The following TRPV3 variants were observed in gnomAD, a reference collection of about 807,000 sequenced individuals.
TRPV3 encodes transient receptor potential cation channel subfamily V member 3.
A neutral mutation model predicts 87.1 loss-of-function variants in TRPV3; 88 were observed. The ratio of observed to expected loss-of-function variants is 1.01; its 90% CI spans 0.85 to 1.21. The LOEUF (loss-of-function observed/expected upper bound fraction) is 1.21. Ranked by LOEUF, TRPV3 falls within the 50% of genes most tolerant of loss-of-function variation. The pLI is 0.00. For synonymous variants in TRPV3, 438 were observed against 423.3 expected (o/e 1.03, Z -0.43); for missense variants, 1,054 against 1,030.1 (o/e 1.02, Z -0.32).
intron 7 of TRPV3, among the ~76,000 whole-genome samples, chr17:3,534,886 A>T (rs1467743006): frequency 6.6e-6 from 1 of 151,926 alleles, no homozygotes; most frequent in Non-Finnish European, 1.5e-5. Context: ...CTGCCTCCTC[A>T]GCCTCCCTCC....
Position 3,532,680 on chromosome 17 carries a change from C to A in TRPV3, c.1042G>T (p.Ala348Ser). 6.2e-7 allele frequency: 1 copy of A among 1,614,200 alleles called. No individual in the cohort carries two copies. The highest frequency in any genetic ancestry group is 2.2e-5 in the East Asian group (1 of 44,878). Residue 348 changes from alanine (A) to serine (S), a missense_variant, in exon 8 of 18, where the codon GCC (alanine) becomes TCC (serine). Ala to Ser is a moderately conservative substitution (Grantham distance 99, BLOSUM62 1). Coordinates refer to ENST00000576742, the MANE Select transcript of TRPV3 (RefSeq NM_145068.4). ...NNDGLTPLQL[A>S]AKMGKAEILK... ...ACCTCCGCCTTGCCCATCTTGGCGG[C>A]CAGCTGCAGCGGCGTGAGGCCATCG...
chr17:3,526,857 A>G lies in TRPV3; in HGVS notation c.1574T>C (p.Val525Ala). ...SILSDAWFHF[V>A]FFIQAVLVIL... The stretch of plus-strand genomic sequence containing the variant: ...CCAAGGGGCCAGACCTACTTACAAG[A>G]CAAAGTGGAACCAGGCATCCGAGAG... Residue 525 changes from valine to alanine, a missense_variant, in exon 12 of 18, where the codon GTC (valine) becomes GCC (alanine). By Grantham distance (64) the Val-to-Ala change is moderately conservative. Transcript: ENST00000576742. The G allele has an allele frequency of 2.5e-6, 4 of 1,610,466 alleles. No homozygotes were observed. The South Asian group carries it at 3.3e-5, about 13-fold the overall frequency.
rs1296341450 is a variant in TRPV3 at position 3,530,216 on chromosome 17, G to A, written c.1066-13C>T. 1.2e-6 allele frequency: 2 copies of A among 1,606,084 alleles called. No homozygotes were observed. The highest frequency in any genetic ancestry group is 1.7e-6 in the Non-Finnish European group (2 of 1,175,278). ...TGTACTTCAGGATCTGGGACAGGAGGAGGAACAACCATCAGCTGCAGAACA... is the reference window on the plus strand; with the variant it reads ...TGTACTTCAGGATCTGGGACAGGAGAAGGAACAACCATCAGCTGCAGAACA... On this transcript the variant is annotated splice_polypyrimidine_tract_variant and intron_variant, in intron 8 of 17. Transcript: ENST00000576742. The surrounding 1 kb of genome is among the most constrained non-coding windows in gnomAD (Gnocchi z 4.0).
At chr17:3,541,603 T>TA (rs1334381736) in intron 6 of TRPV3, among the ~76,000 whole-genome samples, 1 of 152,178 alleles carries the variant, frequency 6.6e-6, no homozygotes, top group East Asian at 1.9e-4. Context: ...CTGGCCCACT[T>TA]ACAAAGAAAT....
chr17:3,548,407 G>T (rs920009245), intron 2 of TRPV3, among the ~76,000 whole-genome samples: 1 of 152,216 alleles, frequency 6.6e-6, no homozygotes, highest in Non-Finnish European at 1.5e-5. Flanking sequence ...AGTCCACACT[G>T]CAATCCATGC....
At chr17:3,535,508 C>G in intron 7 of TRPV3, 65 bp downstream of exon 7, 1 of 1,437,202 alleles carries the variant, frequency 7.0e-7, no homozygotes, top group Non-Finnish European at 9.2e-7. Flanking sequence ...CCCCTTCCCT[C>G]CCTTCCTCTC....
At chr17:3,519,973 ATT>A in intron 14 of TRPV3, among the ~76,000 whole-genome samples, 1 of 43,936 alleles carries the variant, frequency 2.3e-5, no homozygotes, top group Middle Eastern at 0.017. Context: ...TGGATGAATG[ATT>A]GGATGGATGG....
intron 16 of TRPV3, 88 bp downstream of exon 16, chr17:3,516,369 G>C (rs911618938): frequency 9.8e-6 from 10 of 1,024,692 alleles, no homozygotes; most frequent in African/African-American, 7.9e-5. Flanking sequence ...GCAAGTGGCG[G>C]CACTGTTTCT....
chr17:3,524,052 G>T, intron 13 of TRPV3, 146 bp downstream of exon 13: 1 of 1,117,962 alleles, frequency 8.9e-7, no homozygotes, highest in Non-Finnish European at 1.3e-6. Flanking sequence ...AAGCCTGGCC[G>T]AAAGCAAAGG....
rs374808142 is a variant in TRPV3 at position 3,512,638 on chromosome 17, G to T, written c.*1279C>A. On this transcript the variant is annotated 3_prime_UTR_variant, in exon 18 of 18. Transcript: ENST00000576742. ...GCAGAGTGGATTTTCTGGTGGTTTC[G>T]GCCCCAGTCACCTGGAAAATCCTTC... The T allele has an allele frequency of 3.3e-5, 5 of 151,456 alleles. No homozygotes were observed. The highest frequency in any genetic ancestry group is 5.9e-5 in the Non-Finnish European group (4 of 67,894). The allele number at this position is 151,456 out of a possible 1,614,324, so 9.4% of individuals were successfully genotyped here.
chr17:3,554,973 C>T, intron 1 of TRPV3, 121 bp from the exon 2 acceptor site: 1 of 614,208 alleles, frequency 1.6e-6, no homozygotes, highest in Non-Finnish European at 2.9e-6. Flanking sequence ...TGGAAGCTCA[C>T]TCCTCCCTTC....
chr17:3,514,169 C>A (rs2074150769), intron 17 of TRPV3, 158 bp from the exon 18 acceptor site: 1 of 592,876 alleles, frequency 1.7e-6, no homozygotes, highest in African/African-American at 1.9e-5. Flanking sequence ...ACCTCCACCT[C>A]CCAGGTTCAA....
chr17:3,549,155 C>T (rs756151383), intron 2 of TRPV3, among the ~76,000 whole-genome samples: 3 of 152,220 alleles, frequency 2.0e-5, no homozygotes, highest in African/African-American at 4.8e-5. Context: ...AAGCCCTATA[C>T]CCACAGCTTT....
In TRPV3 at chr17:3,556,786, C is replaced by T. The variant is rs957321958; in HGVS notation, c.-3+890G>A. On this transcript the variant is annotated intron_variant, in intron 1 of 17. Coordinates refer to ENST00000576742, the MANE Select transcript of TRPV3 (RefSeq NM_145068.4). This position sits in a 1 kb window ranked among gnomAD's most constrained non-coding sequence, Gnocchi z 4.2. ...GGGACTCCTGGGCACCCGGCCCTCC[C>T]GTGTCCAGTCACGGCCTGATGAGGA... 1.1e-4 allele frequency among the ~76,000 whole-genome samples: 17 copies of T among 152,184 alleles called. No individual in the cohort carries two copies. Among genetic ancestry groups the T allele is most frequent in the African/African-American group, 1.4e-4 (6 of 41,456 alleles).
At position 3,518,494 on chromosome 17, in the gene TRPV3, CTGGTG is replaced by C; in HGVS notation, c.2085+77_2085+81del. 6.9e-7 allele frequency: 1 copy of C among 1,453,102 alleles called. No individual in the cohort carries two copies. The highest frequency in any genetic ancestry group is 9.2e-7 in the Non-Finnish European group (1 of 1,089,648). 90.0% of individuals were successfully genotyped at this position (1,453,102 alleles called of 1,614,324 possible). A position where few individuals can be genotyped will look rare whatever the true frequency, so the allele number is the denominator to read the frequency against. ...ATTCTCAGGCCCCACCTCAGACCCA[CTGGTG>C]CTGACAGTAGTCAATGACCACGTGC... On this transcript the variant is annotated intron_variant, in intron 15 of 17. Coordinates refer to ENST00000576742, the MANE Select transcript of TRPV3 (RefSeq NM_145068.4). This position sits in a 1 kb window ranked among gnomAD's most constrained non-coding sequence, Gnocchi z 4.3.
intron 8 of TRPV3, among the ~76,000 whole-genome samples, chr17:3,531,299 G>C (rs144017361): frequency 4.3e-4 from 66 of 152,276 alleles, no homozygotes; most frequent in Non-Finnish European, 7.6e-4. Flanking sequence ...GACCCAAGAG[G>C]AAGGGACTGT....
chr17:3,552,496 T>G (rs2074586830), intron 2 of TRPV3: 1 of 152,234 alleles, frequency 6.6e-6, no homozygotes, highest in African/African-American at 2.4e-5. Flanking sequence ...GCCCGGCCTT[T>G]TAATTTATTC....
intron 6 of TRPV3, among the ~76,000 whole-genome samples, chr17:3,539,113 A>C (rs542070526): frequency 6.6e-6 from 1 of 152,312 alleles, no homozygotes; most frequent in African/African-American, 2.4e-5. Flanking sequence ...CTAGACTTTC[A>C]TATTTTGGCA....
In TRPV3 at chr17:3,542,616, G is replaced by A. The variant is rs1196362412; in HGVS notation, c.549C>T (p.Thr183=). ...MKALLNINPN[T]KEIVRILLAF... ...CAAGCAGGATCCGCACTATCTCCTT[G>A]GTGTTGGGGTTGATGTTTAACAAGG... Residue 183 remains threonine, a synonymous_variant, in exon 6 of 18, where the codon ACC becomes ACT. Coordinates refer to ENST00000576742, the MANE Select transcript of TRPV3 (RefSeq NM_145068.4). 2 of 1,614,026 alleles carry A rather than the reference G, an allele frequency of 1.2e-6. No homozygotes were observed. Among genetic ancestry groups the A allele is most frequent in the Admixed American group, 3.3e-5 (2 of 60,004 alleles).
Sources: gnomAD v4.1 joint callset for allele counts (sites outside exome capture counted in the v4.1 genomes callset) on GRCh38, gnomAD v4.1.1 for gene constraint, Gnocchi (gnomAD v3.1) non-coding constraint, MANE v1.5 for transcripts, NCBI Gene and HGNC (gene_info 2026-07-23, HGNC 2026-07-21) for gene names.